PRMT8: variants seen among roughly 807,000 people sequenced by gnomAD.
PRMT8 encodes protein arginine N-methyltransferase 8.
A neutral mutation model predicts 47.1 loss-of-function variants in PRMT8; 7 were observed. That is an observed-to-expected ratio of 0.15 (90% CI 0.08 to 0.28). PRMT8 has a LOEUF of 0.28. Ranked by LOEUF, PRMT8 falls within the 10% of genes least tolerant of loss-of-function variation. The probability of loss-of-function intolerance (pLI) is 1.00; values close to 1 mark genes in which losing one functional copy is unlikely to be tolerated. For missense variants in PRMT8, 237 were observed against 505.4 expected, an observed-to-expected ratio of 0.47 and a Z score of 5.09; for synonymous variants, 188 against 186.5, an observed-to-expected ratio of 1.01 and a Z score of -0.07.
At chr12:3,534,661 G>T (rs568188577) in intron 1 of PRMT8, among the ~76,000 whole-genome samples, 1 of 152,120 alleles carries the variant, frequency 6.6e-6, no homozygotes, top group East Asian at 1.9e-4. Flanking sequence ...CCACTGAAGC[G>T]CTCTCCTCTG....
At chr12:3,515,114 A>C (rs1414460743) in intron 1 of PRMT8, among the ~76,000 whole-genome samples, 1 of 152,246 alleles carries the variant, frequency 6.6e-6, no homozygotes, top group African/African-American at 2.4e-5. Context: ...TGGGTTCAGT[A>C]AATTTCCCAG....
At chr12:3,397,241 C>T (rs570465147) in intron 1 of PRMT8, among the ~76,000 whole-genome samples, 16 of 152,054 alleles carry the variant, frequency 1.1e-4, no homozygotes, top group Non-Finnish European at 2.2e-4. Context: ...CAGCTTTGTT[C>T]CATTGCTGGT....
chr12:3,461,926 T>G (rs1433526711), intron 1 of PRMT8, among the ~76,000 whole-genome samples: 2 of 152,090 alleles, frequency 1.3e-5, no homozygotes, highest in Non-Finnish European at 2.9e-5. Flanking sequence ...GGTTCAGGAT[T>G]ACATGTGTAG....
At position 3,562,357 on chromosome 12, in the gene PRMT8, G is replaced by A. The variant is rs149190473; in HGVS notation, c.482-6349G>A. ...ATCCTTTCGAGTATTATTGAGCCAC[G>A]TACTAGGTCCTGTGTCGGGCATAGG... On this transcript the variant is annotated intron_variant, in intron 4 of 9. Coordinates refer to ENST00000382622, the MANE Select transcript of PRMT8 (RefSeq NM_019854.5). 8.6e-4 allele frequency among the ~76,000 whole-genome samples: 131 copies of A among 151,850 alleles called. 1 individual carries two copies. Among genetic ancestry groups the A allele is most frequent in the African/African-American group, 2.7e-3 (113 of 41,390 alleles).
intron 1 of PRMT8, among the ~76,000 whole-genome samples, chr12:3,522,152 T>C (rs1865888467): frequency 6.6e-6 from 1 of 152,066 alleles, no homozygotes; most frequent in Non-Finnish European, 1.5e-5. Flanking sequence ...CTGGAAATTG[T>C]CCCCTTACAA....
At chr12:3,562,562 A>G (rs921684214) in intron 4 of PRMT8, among the ~76,000 whole-genome samples, 1 of 152,136 alleles carries the variant, frequency 6.6e-6, no homozygotes, top group South Asian at 2.1e-4. Context: ...GTTTTTTCCA[A>G]TTGGGTGGTT....
In PRMT8 at chr12:3,575,038, C is replaced by T. The variant is rs376569289; in HGVS notation, c.713-1833C>T. ...CCTGTTGCCAACTAAGCAGCCTCCT[C>T]CCCACGAAGTAGGTTTTAATTGGGA... On this transcript the variant is annotated intron_variant, in intron 6 of 9. Transcript: ENST00000382622. Among the ~76,000 whole-genome samples the T allele has an allele frequency of 2.6e-4, 39 of 152,292 alleles. No homozygotes were observed. The South Asian group carries it at 8.1e-3, about 32-fold the overall frequency.
chr12:3,555,673 A>C (rs1453555683), intron 4 of PRMT8, among the ~76,000 whole-genome samples: 2 of 152,212 alleles, frequency 1.3e-5, no homozygotes, highest in African/African-American at 2.4e-5. Flanking sequence ...GACACACGGG[A>C]AGAAGCTATT....
Position 3,514,039 on chromosome 12 carries a change from G to C in PRMT8, c.75+22339G>C, listed in dbSNP as rs1865751015. 6.6e-6 allele frequency among the ~76,000 whole-genome samples: 1 copy of C among 152,296 alleles called. No individual in the cohort carries two copies. The highest frequency in any genetic ancestry group is 1.5e-5 in the Non-Finnish European group (1 of 68,028). Reference sequence around the variant, plus strand: ...GATCAGGCAGATCCGGGCAGAGGCAGGGGGCAGGGGCAGGATTTATTGTGA... The same window carrying C: ...GATCAGGCAGATCCGGGCAGAGGCACGGGGCAGGGGCAGGATTTATTGTGA... On this transcript the variant is annotated intron_variant, in intron 1 of 9. Transcript: ENST00000382622. The surrounding 1 kb of genome is among the most constrained non-coding windows in gnomAD (Gnocchi z 5.9).
At chr12:3,459,144 A>G (rs1456020399) in intron 1 of PRMT8, among the ~76,000 whole-genome samples, 3 of 152,192 alleles carry the variant, frequency 2.0e-5, no homozygotes, top group Non-Finnish European at 4.4e-5. Context: ...AATCTTGGAA[A>G]TCAGAGCCCT....
At chr12:3,511,277 G>A (rs906012159) in intron 1 of PRMT8, among the ~76,000 whole-genome samples, 2 of 152,122 alleles carry the variant, frequency 1.3e-5, no homozygotes, top group Non-Finnish European at 2.9e-5. Context: ...TGCTGAATTC[G>A]TGCTGTTGAA....
intron 3 of PRMT8, chr12:3,551,906 G>GGTGC (rs1866428280): frequency 6.6e-6 from 1 of 152,526 alleles, no homozygotes; most frequent in Non-Finnish European, 1.5e-5. Context: ...GACAGAGAAA[G>GGTGC]GTGCAGAGAA....
rs553668148 is a variant in PRMT8, at chr12:3,436,593, C to A, written c.48+55151C>A. Reference sequence around the variant, plus strand: ...TTCTAAGAGGAGGCAGGAATGCGGCCGACTGGGCTCCACTGTCCCCTTTTG... The same window carrying A: ...TTCTAAGAGGAGGCAGGAATGCGGCAGACTGGGCTCCACTGTCCCCTTTTG... On this transcript the variant is annotated intron_variant, in intron 1 of 9. Transcript: ENST00000452611. This position sits in a 1 kb window ranked among gnomAD's most constrained non-coding sequence, Gnocchi z 4.2. Among the ~76,000 whole-genome samples the A allele has an allele frequency of 6.6e-6, 1 of 152,122 alleles. No homozygotes were observed. The highest frequency in any genetic ancestry group is 1.5e-5 in the Non-Finnish European group (1 of 68,030).
intron 1 of PRMT8, among the ~76,000 whole-genome samples, chr12:3,389,807 G>T (rs939619440): frequency 2.6e-5 from 4 of 152,242 alleles, no homozygotes; most frequent in African/African-American, 7.2e-5. Flanking sequence ...CCGTCTGCTA[G>T]TCTTCCCAGA....
chr12:3,466,411 G>A (rs1865097884), intron 1 of PRMT8, among the ~76,000 whole-genome samples: 1 of 152,192 alleles, frequency 6.6e-6, no homozygotes. Context: ...CAGTCTGAGT[G>A]GAGTCCTGGC....
At chr12:3,556,327 C>T (rs1362157880) in intron 4 of PRMT8, among the ~76,000 whole-genome samples, 6 of 151,804 alleles carry the variant, frequency 4.0e-5, no homozygotes, top group East Asian at 1.9e-4. Context: ...CTGCAACATT[C>T]GGAGGTCAAG....
At chr12:3,483,088 T>C (rs1288244465) in intron 1 of PRMT8, among the ~76,000 whole-genome samples, 1 of 152,202 alleles carries the variant, frequency 6.6e-6, no homozygotes, top group East Asian at 1.9e-4. Flanking sequence ...GAGCCATCCT[T>C]CCGTGATCTG....
intron 1 of PRMT8, among the ~76,000 whole-genome samples, chr12:3,506,567 C>G (rs909168515): frequency 2.0e-5 from 3 of 152,168 alleles, no homozygotes; most frequent in Admixed American, 6.5e-5. Context: ...AGCCTCGTGA[C>G]CCACAGGCTG....
intron 1 of PRMT8, among the ~76,000 whole-genome samples, chr12:3,530,195 C>G (rs1462634322): frequency 6.6e-6 from 1 of 152,128 alleles, no homozygotes; most frequent in African/African-American, 2.4e-5. Context: ...CCTCTCTGCC[C>G]TCTCAAGGGA....
Sources: gnomAD v4.1 joint callset for allele counts (sites outside exome capture counted in the v4.1 genomes callset) on GRCh38, gnomAD v4.1.1 for gene constraint, Gnocchi (gnomAD v3.1) non-coding constraint, MANE v1.5 for transcripts, NCBI Gene and HGNC (gene_info 2026-07-23, HGNC 2026-07-21) for gene names.